GALNT17: variants seen among roughly 807,000 people sequenced by gnomAD.
The protein encoded by GALNT17 is UDP-GalNAc:polypeptide N-acetylgalactosaminyltransferase-like 3.
A neutral mutation model predicts 63.7 loss-of-function variants in GALNT17; 29 were observed. The ratio of observed to expected loss-of-function variants is 0.46; its 90% CI spans 0.34 to 0.62. The LOEUF is 0.62. Among genes scored for constraint, GALNT17 ranks in the 20% least tolerant of loss-of-function variants. GALNT17 has a pLI of 0.01. For missense variants in GALNT17, 603 were observed against 799.6 expected (o/e 0.75, Z 2.97); for synonymous variants, 305 against 318.3 (o/e 0.96, Z 0.45).
chr7:71,653,501 G>T (rs550513646), intron 6 of GALNT17, among the ~76,000 whole-genome samples: 2 of 151,924 alleles, frequency 1.3e-5, no homozygotes, highest in Admixed American at 1.3e-4. Flanking sequence ...TGCCTCCCAG[G>T]TTCAAGCAAT....
At chr7:71,238,883 T>TA (rs1789942930) in intron 1 of GALNT17, among the ~76,000 whole-genome samples, 2 of 152,202 alleles carry the variant, frequency 1.3e-5, no homozygotes, top group African/African-American at 4.8e-5. Context: ...GCTTCTATCT[T>TA]AGGGTGTGCC....
intron 1 of GALNT17, among the ~76,000 whole-genome samples, chr7:71,277,524 A>G (rs1328087893): frequency 3.3e-5 from 5 of 152,240 alleles, no homozygotes; most frequent in Non-Finnish European, 7.3e-5. Flanking sequence ...AAAGAATATT[A>G]CAAAACAGCA....
intron 5 of GALNT17, among the ~76,000 whole-genome samples, chr7:71,451,120 C>CCA (rs1787254738): frequency 6.6e-6 from 1 of 152,036 alleles, no homozygotes; most frequent in Non-Finnish European, 1.5e-5. Flanking sequence ...GTGATGTTCC[C>CCA]CTTCCTGTGT....
chr7:71,549,147 G>T lies in GALNT17; in HGVS notation c.963-22138G>T, dbSNP rs572769517. Reference sequence around the variant, plus strand: ...GTTTCAGCTGGCCTTTCTATTACTCGAGCAGAGTCGCCAGTCTTTCTGGAT... The same window carrying T: ...GTTTCAGCTGGCCTTTCTATTACTCTAGCAGAGTCGCCAGTCTTTCTGGAT... On this transcript the variant is annotated intron_variant, in intron 5 of 10. Transcript: ENST00000333538. Among the ~76,000 whole-genome samples, 3 of 152,230 alleles carry T rather than the reference G, an allele frequency of 2.0e-5. No individual in the cohort carries two copies. The South Asian group carries it at 6.2e-4, about 32-fold the overall frequency.
chr7:71,594,533 G>C (rs189711139), intron 6 of GALNT17, among the ~76,000 whole-genome samples: 1 of 151,994 alleles, frequency 6.6e-6, no homozygotes, highest in Non-Finnish European at 1.5e-5. Context: ...CAAGTGATCC[G>C]CCCACCTCAG....
Position 71,265,196 on chromosome 7 carries a change from G to T in GALNT17, c.239-70354G>T, listed in dbSNP as rs537101127. Among the ~76,000 whole-genome samples the T allele has an allele frequency of 7.3e-4, 100 of 137,088 alleles. 1 individual carries two copies. The highest frequency in any genetic ancestry group is 3.6e-3 in the Admixed American group (46 of 12,922). 89.9% of individuals were successfully genotyped at this position (137,088 alleles called of 152,430 possible). ...GTCTGGAGTGCAGTGGCGCGATCTT[G>T]GCTCACTGCAACCTCCGCCTCCTGG... On this transcript the variant is annotated intron_variant, in intron 1 of 10. Coordinates refer to ENST00000333538, the MANE Select transcript of GALNT17 (RefSeq NM_022479.3).
At chr7:71,398,011 G>GT (rs1793171348) in intron 3 of GALNT17, among the ~76,000 whole-genome samples, 1 of 151,726 alleles carries the variant, frequency 6.6e-6, no homozygotes, top group African/African-American at 2.4e-5. Flanking sequence ...TGATTTCCTG[G>GT]TTTTTTGCAT....
chr7:71,232,766 G>C (rs1562934906), intron 1 of GALNT17, among the ~76,000 whole-genome samples: 1 of 152,160 alleles, frequency 6.6e-6, no homozygotes, highest in African/African-American at 2.4e-5. Context: ...GCAAATTAAG[G>C]GGTGGGTTAT....
In GALNT17 at chr7:71,132,690, TG is replaced by T; in HGVS notation, c.-111del. 1 of 886,382 alleles carries T rather than the reference TG, an allele frequency of 1.1e-6. No individual in the cohort carries two copies. Among genetic ancestry groups the T allele is most frequent in the Non-Finnish European group, 1.7e-6 (1 of 595,350 alleles). The allele number at this position is 886,382 out of a possible 1,614,324, so 54.9% of individuals were successfully genotyped here. A position where few individuals can be genotyped will look rare whatever the true frequency, so the allele number is the denominator to read the frequency against. On this transcript the variant is annotated 5_prime_UTR_variant, in exon 1 of 11. Coordinates refer to ENST00000333538, the MANE Select transcript of GALNT17 (RefSeq NM_022479.3). ...CCTTGAGGTGGGACGAGCAGGGGCT[TG>T]GATCCCTGCCGGCCGTCTGGTGTGT...
At chr7:71,637,504 T>TA (rs56817818) in intron 6 of GALNT17, among the ~76,000 whole-genome samples, 6 of 151,596 alleles carry the variant, frequency 4.0e-5, no homozygotes, top group Non-Finnish European at 7.4e-5. Flanking sequence ...TTTTTTTTTT[T>TA]AGCCATCAAG....
intron 1 of GALNT17, among the ~76,000 whole-genome samples, chr7:71,218,914 G>C (rs1789533902): frequency 6.6e-6 from 1 of 152,130 alleles, no homozygotes; most frequent in Non-Finnish European, 1.5e-5. Context: ...TGAGTAAGTA[G>C]TAATAATAGC....
intron 1 of GALNT17, among the ~76,000 whole-genome samples, chr7:71,268,337 C>G (rs926803789): frequency 1.3e-5 from 2 of 150,656 alleles, no homozygotes; most frequent in Non-Finnish European, 1.5e-5. Flanking sequence ...AGCTCAGGAG[C>G]TTGAGAACAG....
In GALNT17 at chr7:71,609,911, C is replaced by T. The variant is rs187929012; in HGVS notation, c.1080+38509C>T. On this transcript the variant is annotated intron_variant, in intron 6 of 10. Transcript: ENST00000333538. ...TGTGAAAAGTATAATTAGGCTCAAT[C>T]GATAAATATTTATTCATCAATTATA... 2.5e-3 allele frequency among the ~76,000 whole-genome samples: 376 copies of T among 151,954 alleles called. 2 individuals carry two copies. The highest frequency in any genetic ancestry group is 3.5e-3 in the Non-Finnish European group (237 of 67,952).
At chr7:71,606,715 C>T (rs765495460) in intron 6 of GALNT17, among the ~76,000 whole-genome samples, 10 of 152,182 alleles carry the variant, frequency 6.6e-5, no homozygotes, top group Admixed American at 2.0e-4. Context: ...TTACTTCTGT[C>T]AGCATTAGCC....
intron 5 of GALNT17, among the ~76,000 whole-genome samples, chr7:71,422,126 TGAA>T (rs1243076774): frequency 1.3e-5 from 2 of 152,050 alleles, no homozygotes; most frequent in Non-Finnish European, 2.9e-5. Context: ...GGAACTAAAA[TGAA>T]GAAGGGGTTG....
intron 1 of GALNT17, among the ~76,000 whole-genome samples, chr7:71,301,862 C>T (rs1276503733): frequency 6.6e-6 from 1 of 152,162 alleles, no homozygotes; most frequent in Non-Finnish European, 1.5e-5. Flanking sequence ...CCTTTATAGG[C>T]GGTTTCTGCT....
intron 5 of GALNT17, among the ~76,000 whole-genome samples, chr7:71,504,954 C>G (rs1208326906): frequency 6.6e-6 from 1 of 152,022 alleles, no homozygotes; most frequent in Non-Finnish European, 1.5e-5. Flanking sequence ...TGCTTTCATC[C>G]CCTCCTGACA....
chr7:71,165,783 T>C (rs1435205757), intron 1 of GALNT17, among the ~76,000 whole-genome samples: 2 of 152,202 alleles, frequency 1.3e-5, no homozygotes, highest in Non-Finnish European at 2.9e-5. Context: ...GTTTAATTTC[T>C]ATAGGTGCAG....
At chr7:71,445,070 T>A (rs1231992632) in intron 5 of GALNT17, among the ~76,000 whole-genome samples, 1 of 151,550 alleles carries the variant, frequency 6.6e-6, no homozygotes, top group Non-Finnish European at 1.5e-5. Context: ...AGAGGAGGGG[T>A]CTCAGTGGTG....
Sources: gnomAD v4.1 joint callset for allele counts (sites outside exome capture counted in the v4.1 genomes callset) on GRCh38, gnomAD v4.1.1 for gene constraint, MANE v1.5 for transcripts, NCBI Gene and HGNC (gene_info 2026-07-23, HGNC 2026-07-21) for gene names.